Variants in ADAMTSL1 observed in about 807,000 individuals in gnomAD.
ADAMTSL1 encodes the protein ADAMTS-like protein 1.
ADAMTSL1 carries 126 observed loss-of-function variants against 201.8 expected under a neutral mutation model. That is an observed-to-expected ratio of 0.62 (90% CI 0.54 to 0.72). The LOEUF (loss-of-function observed/expected upper bound fraction) is 0.72. Among genes scored for constraint, ADAMTSL1 ranks in the 30% least tolerant of loss-of-function variants. The pLI, the probability that ADAMTSL1 is intolerant of heterozygous loss-of-function variation, is 0.00. For synonymous variants in ADAMTSL1, 1,121 were observed against 903.4 expected (o/e 1.24, Z -4.32); for missense variants, 2,679 against 2,277.8 (o/e 1.18, Z -3.59).
At chr9:18,523,407 T>G (rs1818827090) in intron 2 of ADAMTSL1, among the ~76,000 whole-genome samples, 1 of 152,210 alleles carries the variant, frequency 6.6e-6, no homozygotes, top group East Asian at 1.9e-4. Flanking sequence ...TTCACTATGA[T>G]GGTAGTTTCT....
intron 20 of ADAMTSL1, among the ~76,000 whole-genome samples, chr9:18,811,273 C>G (rs996499624): frequency 7.9e-5 from 12 of 152,138 alleles, no homozygotes; most frequent in African/African-American, 2.4e-4. Context: ...ATTTTCAGTC[C>G]TCGTTCATTA....
Position 18,061,133 on chromosome 9 carries a change from G to A in ADAMTSL1, c.88-102729G>A, listed in dbSNP as rs116733679. ...TCCCTCTCAAGGCAGGGGTTGGAGG[G>A]ATAGAAAAAAGAGCCATGACTTATT... is the stretch of plus-strand genomic sequence containing the variant. On this transcript the variant is annotated intron_variant, in intron 1 of 29. Transcript: ENST00000680146. Among the ~76,000 whole-genome samples, 850 of 152,184 alleles carry A rather than the reference G, an allele frequency of 5.6e-3. 7 individuals are homozygous for A. The highest frequency in any genetic ancestry group is 0.02 in the African/African-American group (815 of 41,540).
At position 18,373,956 on chromosome 9, in the gene ADAMTSL1, T is replaced by C. The variant is rs374466445; in HGVS notation, c.208-130873T>C. Among the ~76,000 whole-genome samples the C allele has an allele frequency of 2.6e-5, 4 of 152,310 alleles. No individual in the cohort carries two copies. In the East Asian group the frequency reaches 5.8e-4, roughly 22 times the overall value. ...AAGGGATGATAGTAGCCAGCATGTATTGGGCAGTTATCATAGACTAGGAAC... is the reference window on the plus strand; with the variant it reads ...AAGGGATGATAGTAGCCAGCATGTACTGGGCAGTTATCATAGACTAGGAAC... On this transcript the variant is annotated intron_variant, in intron 2 of 29. Transcript: ENST00000680146.
intron 2 of ADAMTSL1, among the ~76,000 whole-genome samples, chr9:18,197,909 G>C (rs151101858): frequency 6.6e-6 from 1 of 152,068 alleles, no homozygotes; most frequent in African/African-American, 2.4e-5. Context: ...CCAAAACAGA[G>C]ATATAGATCA....
chr9:18,005,556 C>T (rs1047695224), intron 1 of ADAMTSL1, among the ~76,000 whole-genome samples: 2 of 152,038 alleles, frequency 1.3e-5, no homozygotes, highest in African/African-American at 4.8e-5. Context: ...CTCCATACTA[C>T]TTTATCTCTC....
intron 2 of ADAMTSL1, among the ~76,000 whole-genome samples, chr9:18,253,333 C>T (rs912085116): frequency 1.3e-5 from 2 of 152,242 alleles, no homozygotes; most frequent in East Asian, 3.9e-4. Context: ...ACTAATTTCT[C>T]CTTTATACAT....
chr9:18,284,190 T>C (rs1832909311), intron 2 of ADAMTSL1, among the ~76,000 whole-genome samples: 2 of 149,664 alleles, frequency 1.3e-5, no homozygotes, highest in African/African-American at 2.5e-5. Context: ...GGTCACACCA[T>C]TGCACTCCAG....
intron 1 of ADAMTSL1, among the ~76,000 whole-genome samples, chr9:17,927,009 C>G (rs146996154): frequency 1.3e-3 from 205 of 152,292 alleles, no homozygotes; most frequent in African/African-American, 4.5e-3. Flanking sequence ...GTCTCCAGAG[C>G]TCTTTTCAAC....
intron 26 of ADAMTSL1, among the ~76,000 whole-genome samples, chr9:18,903,666 A>C (rs535808527): frequency 6.6e-6 from 1 of 152,068 alleles, no homozygotes; most frequent in South Asian, 2.1e-4. Flanking sequence ...AGAGACATCC[A>C]TGCAGCTAGC....
chr9:18,213,973 G>A (rs562576923), intron 2 of ADAMTSL1, among the ~76,000 whole-genome samples: 10 of 152,236 alleles, frequency 6.6e-5, no homozygotes, highest in African/African-American at 2.4e-4. Flanking sequence ...CTGACCTCAG[G>A]CAATCTACCC....
intron 2 of ADAMTSL1, among the ~76,000 whole-genome samples, chr9:18,324,750 G>A (rs562400109): frequency 6.7e-6 from 1 of 148,250 alleles, no homozygotes; most frequent in East Asian, 2.0e-4. Context: ...GGCAACAAGA[G>A]CGAAACTCCA....
intron 1 of ADAMTSL1, among the ~76,000 whole-genome samples, chr9:17,955,596 A>G (rs920915286): frequency 3.9e-5 from 6 of 152,174 alleles, no homozygotes; most frequent in African/African-American, 1.4e-4. Context: ...GCATGATGAA[A>G]TCTTGCTCCT....
At chr9:18,721,062 C>T (rs1721743132) in intron 14 of ADAMTSL1, among the ~76,000 whole-genome samples, 1 of 152,206 alleles carries the variant, frequency 6.6e-6, no homozygotes, top group Non-Finnish European at 1.5e-5. Context: ...AGATTCAAGA[C>T]CTCAAGAGCC....
At position 18,578,888 on chromosome 9, in the gene ADAMTSL1, C is replaced by T. The variant is rs377297130; in HGVS notation, c.474+4622C>T. Among the ~76,000 whole-genome samples the T allele has an allele frequency of 8.2e-4, 124 of 151,084 alleles. 1 individual carries two copies. Among genetic ancestry groups the T allele is most frequent in the African/African-American group, 2.9e-3 (118 of 41,118 alleles). On this transcript the variant is annotated intron_variant, in intron 4 of 28. Coordinates refer to ENST00000380548, the MANE Select transcript of ADAMTSL1 (RefSeq NM_001040272.6). ...TATTTCTCCACATCCTCTCCAGCACCTGTTGTTTCCTGACTTTTTAATGAT... is the reference window on the plus strand; with the variant it reads ...TATTTCTCCACATCCTCTCCAGCACTTGTTGTTTCCTGACTTTTTAATGAT...
chr9:18,352,624 T>C (rs369130286), intron 2 of ADAMTSL1, among the ~76,000 whole-genome samples: 1 of 152,224 alleles, frequency 6.6e-6, no homozygotes, highest in Middle Eastern at 3.2e-3. Flanking sequence ...CTTTGTACTT[T>C]ATTAACGTAT....
At position 18,269,634 on chromosome 9, in the gene ADAMTSL1, G is replaced by A. The variant is rs117366741; in HGVS notation, c.207+105653G>A. ...GGTCACTAATTGGTTTTGCAAAAAT[G>A]TCTCCTTTCATTTTATAACTGATCT... On this transcript the variant is annotated intron_variant, in intron 2 of 29. Coordinates refer to the ADAMTSL1 transcript ENST00000680146. Among the ~76,000 whole-genome samples, 1,226 of 152,236 alleles carry A rather than the reference G, an allele frequency of 8.1e-3. 10 individuals carry two copies. Among genetic ancestry groups the A allele is most frequent in the South Asian group, 0.017 (83 of 4,824 alleles).
chr9:18,807,137 C>T (rs1823184010), intron 20 of ADAMTSL1, among the ~76,000 whole-genome samples: 1 of 152,128 alleles, frequency 6.6e-6, no homozygotes, highest in Admixed American at 6.5e-5. Context: ...AATTGAAACG[C>T]TTGCCTTTAT....
chr9:18,252,208 A>G (rs972298514), intron 2 of ADAMTSL1, among the ~76,000 whole-genome samples: 13 of 152,184 alleles, frequency 8.5e-5, no homozygotes, highest in African/African-American at 2.7e-4. Flanking sequence ...AAGAGTTTCT[A>G]TAATTATTTT....
intron 26 of ADAMTSL1, among the ~76,000 whole-genome samples, chr9:18,893,661 C>T (rs1176874656): frequency 1.3e-5 from 2 of 152,224 alleles, no homozygotes; most frequent in Non-Finnish European, 2.9e-5. Context: ...TTACAGATTG[C>T]AGACAAATAC....
Sources: allele counts gnomAD v4.1 joint callset (sites outside exome capture counted in the v4.1 genomes callset), GRCh38; gene constraint gnomAD v4.1.1; transcripts MANE v1.5; gene names NCBI Gene and HGNC (gene_info 2026-07-23, HGNC 2026-07-21).